Variants in FAM83B observed in about 807,000 individuals in gnomAD.
FAM83B encodes protein FAM83B.
In FAM83B, 26 loss-of-function variants were observed where a neutral mutation model predicts 38.8. The ratio of observed to expected loss-of-function variants is 0.67; its 90% CI spans 0.49 to 0.93. The LOEUF is 0.93. FAM83B is among the 40% of genes least tolerant of loss of function. The pLI, the probability that FAM83B is intolerant of heterozygous loss-of-function variation, is 0.00. For missense variants in FAM83B, 1,237 were observed against 1,197.3 expected (o/e 1.03, Z -0.49); for synonymous variants, 419 against 423.1 (o/e 0.99, Z 0.12).
At chr6:54,860,487 T>A in intron 1 of FAM83B, among the ~76,000 whole-genome samples, 1 of 152,192 alleles carries the variant, frequency 6.6e-6, no homozygotes, top group East Asian at 1.9e-4. Context: ...TAAAAAAATC[T>A]TGTAAGAGAA....
intron 2 of FAM83B, among the ~76,000 whole-genome samples, chr6:54,885,178 G>A (rs1172941048): frequency 1.3e-5 from 2 of 151,984 alleles, no homozygotes; most frequent in East Asian, 1.9e-4. Flanking sequence ...AAATAATGTT[G>A]GGATTTTGAT....
chr6:54,921,784 A>G (rs1388146201), intron 2 of FAM83B, among the ~76,000 whole-genome samples: 1 of 152,096 alleles, frequency 6.6e-6, no homozygotes, highest in African/African-American at 2.4e-5. Context: ...CATGTGTGCA[A>G]CACAGTGTAA....
intron 2 of FAM83B, among the ~76,000 whole-genome samples, chr6:54,876,491 A>G (rs1331893311): frequency 3.3e-5 from 5 of 150,832 alleles, no homozygotes; most frequent in Non-Finnish European, 7.4e-5. Context: ...CGCCCGGCTC[A>G]TTTTTGTATT....
rs58597609 is a variant in FAM83B at position 54,915,812 on chromosome 6, C to CAAAAAAAA, written c.445-10541_445-10534dup. ...TGGGCGACAGAGCGAGACTCCGTCT[C>CAAAAAAAA]AAAAAAAAAAAAAAAAAAAAAAAAA... On this transcript the variant is annotated intron_variant, in intron 2 of 4. Coordinates refer to ENST00000306858, the MANE Select transcript of FAM83B (RefSeq NM_001010872.3). Among the ~76,000 whole-genome samples the CAAAAAAAA allele has an allele frequency of 2.0e-3, 36 of 18,026 alleles. 2 individuals carry two copies. Among genetic ancestry groups the CAAAAAAAA allele is most frequent in the African/African-American group, 2.8e-3 (12 of 4,250 alleles). The allele number at this position is 18,026 out of a possible 152,430, so 11.8% of individuals were successfully genotyped here.
intron 2 of FAM83B, among the ~76,000 whole-genome samples, chr6:54,903,640 TTAATA>T (rs1772712061): frequency 6.6e-6 from 1 of 152,158 alleles, no homozygotes; most frequent in African/African-American, 2.4e-5. Context: ...CCTAACTACA[TTAATA>T]TAATATTTCA....
chr6:54,856,448 G>A (rs1771449045), intron 1 of FAM83B, among the ~76,000 whole-genome samples: 1 of 152,204 alleles, frequency 6.6e-6, no homozygotes, highest in African/African-American at 2.4e-5. Context: ...AGTTAGCCCT[G>A]CTGTCAGAAG....
upstream of FAM83B, among the ~76,000 whole-genome samples, chr6:54,846,302 C>T (rs10428844): frequency 0.24 from 36,572 of 152,122 alleles, 4,825 homozygotes; most frequent in African/African-American, 0.36. Context: ...AACCCTTGCT[C>T]TCACCCGCGG....
chr6:54,926,825 C>T (rs1773297646), intron 3 of FAM83B, among the ~76,000 whole-genome samples: 1 of 151,994 alleles, frequency 6.6e-6, no homozygotes, highest in African/African-American at 2.4e-5. Flanking sequence ...CTCCGCCTCC[C>T]AGGTCAAGCA....
chr6:54,897,124 C>T lies in FAM83B; in HGVS notation c.444+26434C>T, dbSNP rs562452596. Among the ~76,000 whole-genome samples the T allele has an allele frequency of 4.2e-4, 64 of 151,930 alleles. No individual in the cohort carries two copies. In the Middle Eastern group the frequency reaches 0.014, roughly 32 times the overall value. On this transcript the variant is annotated intron_variant, in intron 2 of 4. Transcript: ENST00000306858. ...TCACTGCCAAATTTCTTCCCTTGTC[C>T]TCTCTCTGAGACCCTTTAGGCCACT...
At chr6:54,939,680 T>C (rs745919013) in intron 4 of FAM83B, 26 bp from the exon 5 acceptor site, 2 of 1,536,042 alleles carry the variant, frequency 1.3e-6, no homozygotes, top group Middle Eastern at 1.8e-4. Flanking sequence ...TTTAAATGAT[T>C]AAAATTTTTC....
chr6:54,887,501 G>C (rs900917048), intron 2 of FAM83B, among the ~76,000 whole-genome samples: 2 of 152,022 alleles, frequency 1.3e-5, no homozygotes, highest in East Asian at 3.9e-4. Flanking sequence ...TTCTTGTATA[G>C]TCCTCCTTAT....
chr6:54,929,367 G>T (rs943171169), intron 4 of FAM83B, among the ~76,000 whole-genome samples: 2 of 151,998 alleles, frequency 1.3e-5, no homozygotes, highest in Non-Finnish European at 2.9e-5. Context: ...TTTGCCATGG[G>T]ATATCATTGG....
rs141310364 is a variant in FAM83B, at chr6:54,895,379, C to T, written c.444+24689C>T. Among the ~76,000 whole-genome samples, 22 of 152,266 alleles carry T rather than the reference C, an allele frequency of 1.4e-4. No homozygotes were observed. In the East Asian group the frequency reaches 3.9e-3, roughly 27 times the overall value. On this transcript the variant is annotated intron_variant, in intron 2 of 4. Transcript: ENST00000306858. ...CTTGCATAAAATTCTATTATACCTC[C>T]GTGGGACTTGTACATTTATTTTCAT...
intron 2 of FAM83B, among the ~76,000 whole-genome samples, chr6:54,902,174 G>C (rs1406309855): frequency 6.6e-6 from 1 of 152,142 alleles, no homozygotes; most frequent in African/African-American, 2.4e-5. Context: ...ACTCCAAAAA[G>C]TAAAGCTTTG....
chr6:54,923,866 C>CT (rs71547979), intron 2 of FAM83B, among the ~76,000 whole-genome samples: 2,317 of 142,530 alleles, frequency 0.016, 30 homozygotes, highest in South Asian at 0.042. Context: ...TTTCTTTTTT[C>CT]TTTTTTTTTT....
intron 1 of FAM83B, among the ~76,000 whole-genome samples, chr6:54,849,315 T>A (rs1561901227): frequency 6.6e-6 from 1 of 152,180 alleles, no homozygotes; most frequent in East Asian, 1.9e-4. Context: ...AGAAGTATCC[T>A]GGCCCCTAAG....
rs71781584 is a variant in FAM83B, at chr6:54,885,962, T to TATA, written c.444+15295_444+15297dup. 5.9e-3 allele frequency among the ~76,000 whole-genome samples: 891 copies of TATA among 150,084 alleles called. 10 individuals are homozygous for TATA. Among genetic ancestry groups the TATA allele is most frequent in the African/African-American group, 0.017 (692 of 40,932 alleles). On this transcript the variant is annotated intron_variant, in intron 2 of 4. Transcript: ENST00000306858. ...TGCACATGTACCCTAAAACTTAAAG[T>TATA]ATAATAATAATAATAATAATAATAA... is the stretch of plus-strand genomic sequence containing the variant.
intron 2 of FAM83B, among the ~76,000 whole-genome samples, chr6:54,905,016 G>A (rs941058108): frequency 6.6e-6 from 1 of 152,034 alleles, no homozygotes; most frequent in African/African-American, 2.4e-5. Flanking sequence ...GGCAGAGGTA[G>A]TAGCAATGGT....
At chr6:54,883,721 G>A (rs1772196885) in intron 2 of FAM83B, among the ~76,000 whole-genome samples, 1 of 150,188 alleles carries the variant, frequency 6.7e-6, no homozygotes, top group African/African-American at 2.4e-5. Context: ...TCAGACACAT[G>A]TTGCAAATAT....
Sources: allele counts gnomAD v4.1 joint callset (sites outside exome capture counted in the v4.1 genomes callset), GRCh38; gene constraint gnomAD v4.1.1; transcripts MANE v1.5; gene names NCBI Gene and HGNC (gene_info 2026-07-23, HGNC 2026-07-21).